The following ZNF438 variants were observed in gnomAD, a reference collection of about 807,000 sequenced individuals.
ZNF438 encodes zinc finger protein 438.
In ZNF438, 25 loss-of-function variants were observed where a neutral mutation model predicts 38.0. That is an observed-to-expected ratio of 0.66 (90% CI 0.48 to 0.92). The LOEUF is 0.92. Ranked by LOEUF, ZNF438 falls within the 40% of genes least tolerant of loss-of-function variation. ZNF438 has a pLI of 0.00. For missense variants in ZNF438, 1,007 were observed against 999.6 expected (o/e 1.01, Z -0.10); for synonymous variants, 372 against 364.1 (o/e 1.02, Z -0.25).
At chr10:31,010,796 G>A (rs775992944) in intron 1 of ZNF438, among the ~76,000 whole-genome samples, 18 of 149,604 alleles carry the variant, frequency 1.2e-4, no homozygotes, top group Non-Finnish European at 2.7e-4. Context: ...GCATGACTGA[G>A]GCAGGAGGAT....
intron 1 of ZNF438, among the ~76,000 whole-genome samples, chr10:31,023,320 C>T (rs1284506901): frequency 6.6e-6 from 1 of 152,064 alleles, no homozygotes; most frequent in African/African-American, 2.4e-5. Context: ...ATAACACACT[C>T]CCAAAAGAGA....
chr10:30,959,460 C>T (rs1249764721), intron 1 of ZNF438, among the ~76,000 whole-genome samples: 5 of 145,650 alleles, frequency 3.4e-5, no homozygotes, highest in East Asian at 1.9e-4. Flanking sequence ...AAATTTTGGC[C>T]GGGCGCGGTG....
chr10:30,970,175 AAT>A (rs2050593322), intron 1 of ZNF438, among the ~76,000 whole-genome samples: 1 of 151,660 alleles, frequency 6.6e-6, no homozygotes, highest in African/African-American at 2.4e-5. Flanking sequence ...TTAGGCCTTC[AAT>A]ATTTGTTAAA....
At chr10:30,947,480 TTGTC>T (rs1554872237) in intron 1 of ZNF438, among the ~76,000 whole-genome samples, 1 of 152,248 alleles carries the variant, frequency 6.6e-6, no homozygotes, top group Non-Finnish European at 1.5e-5. Context: ...GTCTTTTTGT[TTGTC>T]TGTGCCCTGC....
chr10:30,901,032 A>T (rs1367914106), intron 3 of ZNF438, among the ~76,000 whole-genome samples: 1 of 152,080 alleles, frequency 6.6e-6, no homozygotes, highest in East Asian at 1.9e-4. Context: ...CCTAATACAA[A>T]TTTGCCTCTA....
intron 1 of ZNF438, among the ~76,000 whole-genome samples, chr10:30,957,553 G>A (rs1416960857): frequency 6.6e-6 from 1 of 152,156 alleles, no homozygotes; most frequent in Admixed American, 6.5e-5. Context: ...GTAAGAAACA[G>A]GTATCTAGTT....
At chr10:30,961,140 C>T (rs140423921) in intron 1 of ZNF438, among the ~76,000 whole-genome samples, 3,845 of 141,706 alleles carry the variant, frequency 0.027, 514 homozygotes, top group Middle Eastern at 0.059. Flanking sequence ...TTTATATAAG[C>T]CTGTTTCTTA....
chr10:30,868,193 C>T (rs2133357314), intron 4 of ZNF438, among the ~76,000 whole-genome samples: 1 of 152,072 alleles, frequency 6.6e-6, no homozygotes, highest in East Asian at 1.9e-4. Context: ...CCTCAGCCTC[C>T]CAAGTAGCTG....
chr10:30,902,666 G>A (rs954299567), intron 3 of ZNF438, among the ~76,000 whole-genome samples: 1 of 152,196 alleles, frequency 6.6e-6, no homozygotes, highest in African/African-American at 2.4e-5. Context: ...GACACAGAGT[G>A]CTGACTGGTG....
chr10:30,879,930 C>G (rs2038982944), intron 3 of ZNF438, among the ~76,000 whole-genome samples: 1 of 151,800 alleles, frequency 6.6e-6, no homozygotes, highest in African/African-American at 2.4e-5. Context: ...GAACATTTTC[C>G]AAATTTGATG....
chr10:30,899,244 T>C (rs1360904089), intron 3 of ZNF438, among the ~76,000 whole-genome samples: 3 of 152,178 alleles, frequency 2.0e-5, no homozygotes, highest in Admixed American at 2.0e-4. Flanking sequence ...AAAAAGGAGT[T>C]ACAAGATTTT....
intron 1 of ZNF438, among the ~76,000 whole-genome samples, chr10:31,025,909 T>C (rs193077596): frequency 7.2e-5 from 11 of 152,196 alleles, no homozygotes; most frequent in Admixed American, 1.3e-4. Context: ...CTACTACAAA[T>C]ATATATGAGT....
chr10:30,860,026 G>T (rs143678808), intron 4 of ZNF438, among the ~76,000 whole-genome samples: 98 of 152,108 alleles, frequency 6.4e-4, no homozygotes, highest in African/African-American at 2.2e-3. Flanking sequence ...ATTAGCCATA[G>T]AATCTAGAAT....
chr10:30,855,458 C>T (rs2034454929), intron 4 of ZNF438, among the ~76,000 whole-genome samples: 1 of 152,206 alleles, frequency 6.6e-6, no homozygotes, highest in African/African-American at 2.4e-5. Flanking sequence ...GTACATTTAA[C>T]ATACTTATGC....
chr10:30,862,128 A>T (rs1243622031), intron 4 of ZNF438, among the ~76,000 whole-genome samples: 2 of 152,216 alleles, frequency 1.3e-5, no homozygotes, highest in Non-Finnish European at 2.9e-5. Flanking sequence ...TATCACCATC[A>T]CAAATACCTG....
chr10:30,867,736 T>G (rs1421377604), intron 4 of ZNF438, among the ~76,000 whole-genome samples: 1 of 152,222 alleles, frequency 6.6e-6, no homozygotes, highest in Non-Finnish European at 1.5e-5. Flanking sequence ...TGTTAGGTTT[T>G]ATTCCCTTCA....
intron 1 of ZNF438, among the ~76,000 whole-genome samples, chr10:30,978,702 A>G (rs1193325586): frequency 6.6e-6 from 1 of 152,194 alleles, no homozygotes; most frequent in African/African-American, 2.4e-5. Context: ...CTTCTGATAT[A>G]CTAACCTAGA....
At chr10:30,907,163 C>T (rs1174856237) in intron 3 of ZNF438, among the ~76,000 whole-genome samples, 5 of 152,122 alleles carry the variant, frequency 3.3e-5, no homozygotes, top group South Asian at 2.1e-4. Context: ...TTAGTAGAGA[C>T]GCGGTTTCAC....
At chr10:30,943,833 A>T (rs2047077329) in intron 1 of ZNF438, among the ~76,000 whole-genome samples, 1 of 151,144 alleles carries the variant, frequency 6.6e-6, no homozygotes, top group African/African-American at 2.4e-5. Context: ...AGATTTTTTA[A>T]ATGCCATGCT....
Sources: allele counts gnomAD v4.1 joint callset (sites outside exome capture counted in the v4.1 genomes callset), GRCh38; gene constraint gnomAD v4.1.1; transcripts MANE v1.5; gene names NCBI Gene and HGNC (gene_info 2026-07-23, HGNC 2026-07-21).